The following CHID1 variants were observed in gnomAD, a reference collection of about 807,000 sequenced individuals.
CHID1 encodes chitinase domain-containing protein 1.
Under a neutral mutation model 55.4 loss-of-function variants are expected in CHID1, and 44 were observed. That is an observed-to-expected ratio of 0.79 (90% CI 0.62 to 1.02). The LOEUF (loss-of-function observed/expected upper bound fraction) is 1.02. Ranked by LOEUF, CHID1 falls within the 50% of genes least tolerant of loss-of-function variation. CHID1 has a pLI of 0.00. For synonymous variants in CHID1, 216 were observed against 212.9 expected (o/e 1.01, Z -0.13); for missense variants, 491 against 515.3 (o/e 0.95, Z 0.46).
At chr11:876,227 C>A (rs1464628594) in intron 10 of CHID1, among the ~76,000 whole-genome samples, 3 of 152,138 alleles carry the variant, frequency 2.0e-5, no homozygotes, top group African/African-American at 7.2e-5. Context: ...TAGGGAGGAC[C>A]CACAGGACAC....
At chr11:913,787 A>T (rs959925078), upstream of CHID1, among the ~76,000 whole-genome samples, 36 of 150,960 alleles carry the variant, frequency 2.4e-4, no homozygotes, top group South Asian at 4.2e-4. Flanking sequence ...AAAAAAGGCC[A>T]GGCACAGTGG....
chr11:893,430 G>A lies in CHID1; in HGVS notation c.698C>T (p.Pro233Leu), dbSNP rs1391970697. The A allele has an allele frequency of 6.5e-7, 1 of 1,550,016 alleles. No homozygotes were observed. Reference protein sequence around the residue: ...ALLVIPPAITPGTDQLGMFTH... With the variant: ...ALLVIPPAITLGTDQLGMFTH... ...ACATCTCAAGAGCGGCACTTACCCGGGGGTGATGGCAGGCGGGATGACCAG... is the reference window on the plus strand; with the variant it reads ...ACATCTCAAGAGCGGCACTTACCCGAGGGTGATGGCAGGCGGGATGACCAG... Residue 233 changes from proline (P) to leucine (L), a missense_variant, in exon 8 of 13, where the codon CCC becomes CTC. By Grantham distance (98) the Pro-to-Leu change is moderately conservative (BLOSUM62 -3). Transcript: ENST00000323578.
chr11:914,167 A>C (rs1852834141), upstream of CHID1: 1 of 158,220 alleles, frequency 6.3e-6, no homozygotes, highest in Admixed American at 6.5e-5. Context: ...TTGGGTTTTG[A>C]ATTTCTAACT....
intron 10 of CHID1, chr11:882,847 G>A (rs1352081841): frequency 5.0e-5 from 16 of 318,130 alleles, no homozygotes; most frequent in Non-Finnish European, 8.2e-5. Context: ...AGGAGGCCCC[G>A]GCCCGGCCTG....
intron 1 of CHID1, among the ~76,000 whole-genome samples, chr11:907,538 G>A (rs1028403829): frequency 1.3e-5 from 2 of 152,076 alleles, no homozygotes; most frequent in East Asian, 1.9e-4. Context: ...GGGCAGCGGC[G>A]GTGGGAGCTG....
At chr11:898,191 G>A (rs1462775706) in intron 7 of CHID1, among the ~76,000 whole-genome samples, 1 of 152,242 alleles carries the variant, frequency 6.6e-6, no homozygotes, top group Non-Finnish European at 1.5e-5. Context: ...TCAAGCTTAA[G>A]ATCTGTGTGG....
intron 1 of CHID1, among the ~76,000 whole-genome samples, chr11:906,854 C>G (rs1381224880): frequency 6.6e-6 from 1 of 152,046 alleles, no homozygotes; most frequent in African/African-American, 2.4e-5. Flanking sequence ...CATGGACAAA[C>G]CCTGTCTCTA....
intron 10 of CHID1, among the ~76,000 whole-genome samples, chr11:881,811 C>T (rs1849957456): frequency 6.6e-6 from 1 of 151,312 alleles, no homozygotes; most frequent in South Asian, 2.1e-4. Context: ...AGACCAGCCT[C>T]GACAACATGG....
At chr11:897,052 C>A (rs1295775287) in intron 7 of CHID1, among the ~76,000 whole-genome samples, 1 of 142,438 alleles carries the variant, frequency 7.0e-6, no homozygotes, top group Non-Finnish European at 1.5e-5. Context: ...CCTGTCTCAG[C>A]ACCTGCAGCC....
chr11:887,755 G>A (rs1409196842), intron 8 of CHID1, among the ~76,000 whole-genome samples: 8 of 152,124 alleles, frequency 5.3e-5, no homozygotes, highest in Non-Finnish European at 1.2e-4. Context: ...GGGTCCTGCC[G>A]TGAGCCGGGC....
upstream of CHID1, chr11:914,636 T>C (rs546362151): frequency 1.7e-6 from 2 of 1,145,850 alleles, no homozygotes; most frequent in African/African-American, 3.2e-5. Context: ...GGGAGGCTGA[T>C]CACTTGAGCC....
intron 10 of CHID1, among the ~76,000 whole-genome samples, chr11:873,533 GA>G: frequency 6.6e-6 from 1 of 152,234 alleles, no homozygotes; most frequent in East Asian, 1.9e-4. Flanking sequence ...AGGGGAAGGT[GA>G]AAGTCCGAGA....
intron 8 of CHID1, among the ~76,000 whole-genome samples, chr11:891,608 C>A (rs1850827946): frequency 6.6e-6 from 1 of 152,224 alleles, no homozygotes; most frequent in Admixed American, 6.5e-5. Context: ...GCACAAAGGG[C>A]AACCTGGGAG....
chr11:891,688 C>G (rs1236708992), intron 8 of CHID1, among the ~76,000 whole-genome samples: 2 of 152,188 alleles, frequency 1.3e-5, no homozygotes, highest in Admixed American at 1.3e-4. Flanking sequence ...TCTGCTGCCC[C>G]GAGGAATCTT....
At chr11:906,169 G>C (rs1852197722) in intron 1 of CHID1, among the ~76,000 whole-genome samples, 1 of 151,780 alleles carries the variant, frequency 6.6e-6, no homozygotes, top group Non-Finnish European at 1.5e-5. Flanking sequence ...CCTGACCTCA[G>C]GTGATCTGCC....
chr11:883,379 G>A (rs1850150560), intron 9 of CHID1, 76 bp from the exon 10 acceptor site: 1 of 1,439,512 alleles, frequency 6.9e-7, no homozygotes, highest in East Asian at 2.3e-5. Flanking sequence ...GCCCTCCACT[G>A]AGGGGTGCAT....
At chr11:882,970 G>A in intron 10 of CHID1, 178 bp downstream of exon 10, 1 of 627,608 alleles carries the variant, frequency 1.6e-6, no homozygotes, top group Non-Finnish European at 2.8e-6. Context: ...GACCACAGTG[G>A]GGGCTGCGGT....
At chr11:905,312 G>T (rs1231699929) in intron 1 of CHID1, among the ~76,000 whole-genome samples, 3 of 152,270 alleles carry the variant, frequency 2.0e-5, no homozygotes, top group African/African-American at 2.4e-5. Context: ...ACCGAGGTGG[G>T]AAGATTACTT....
At chr11:902,658 T>C (rs1017405055) in intron 3 of CHID1, among the ~76,000 whole-genome samples, 1 of 125,592 alleles carries the variant, frequency 8.0e-6, no homozygotes, top group Non-Finnish European at 1.9e-5. Flanking sequence ...AACCCACCCC[T>C]CCCTGGCCCA....
Sources: gnomAD v4.1 joint callset for allele counts (sites outside exome capture counted in the v4.1 genomes callset) on GRCh38, gnomAD v4.1.1 for gene constraint, MANE v1.5 for transcripts, NCBI Gene and HGNC (gene_info 2026-07-23, HGNC 2026-07-21) for gene names.